The following TAF12 variants were observed in gnomAD, a reference collection of about 807,000 sequenced individuals.
The protein encoded by TAF12 is transcription initiation factor TFIID subunit 12.
In TAF12, 3 loss-of-function variants were observed where a neutral mutation model predicts 20.8. The observed-to-expected ratio is 0.14, with a 90% confidence interval of 0.07 to 0.37. The LOEUF is 0.37. Ranked by LOEUF, TAF12 falls within the 10% of genes least tolerant of loss-of-function variation. The pLI, the probability that TAF12 is intolerant of heterozygous loss-of-function variation, is 1.00. For missense variants in TAF12, 131 were observed against 197.9 expected (o/e 0.66, Z 2.03); for synonymous variants, 69 against 70.2 (o/e 0.98, Z 0.09).
At chr1:28,606,061 C>T (rs529046393) in intron 4 of TAF12, among the ~76,000 whole-genome samples, 3 of 152,038 alleles carry the variant, frequency 2.0e-5, no homozygotes, top group South Asian at 4.2e-4. Context: ...TGCAGTGGTG[C>T]GATCTCGGCT....
chr1:28,640,798 G>A (rs565785624), intron 1 of TAF12, among the ~76,000 whole-genome samples: 7 of 152,280 alleles, frequency 4.6e-5, no homozygotes. Context: ...AAAGGTTCCA[G>A]CCAGGTGCAG....
chr1:28,635,394 C>T (rs971772137), intron 1 of TAF12, among the ~76,000 whole-genome samples: 51 of 147,526 alleles, frequency 3.5e-4, no homozygotes, highest in Admixed American at 2.7e-4. Flanking sequence ...CCAGCTCCAC[C>T]TCCTGGGCTC....
At chr1:28,609,902 C>G (rs189279842) in intron 4 of TAF12, among the ~76,000 whole-genome samples, 269 of 152,298 alleles carry the variant, frequency 1.8e-3, no homozygotes, top group Non-Finnish European at 2.9e-3. Flanking sequence ...CCCTGTACCC[C>G]CTTCCCCTTA....
intron 3 of TAF12, among the ~76,000 whole-genome samples, chr1:28,616,742 AAAT>A (rs1238262844): frequency 2.6e-5 from 4 of 151,812 alleles, no homozygotes; most frequent in Non-Finnish European, 5.9e-5. Context: ...TCAAAAAAAT[AAAT>A]AAATAAATAA....
chr1:28,641,655 G>A (rs1265746580), intron 1 of TAF12, among the ~76,000 whole-genome samples: 2 of 152,060 alleles, frequency 1.3e-5, no homozygotes, highest in South Asian at 2.1e-4. Context: ...TTAGCAGGGC[G>A]TGGTGGCACA....
chr1:28,633,737 C>A (rs1198607668), intron 1 of TAF12, among the ~76,000 whole-genome samples: 2 of 151,784 alleles, frequency 1.3e-5, no homozygotes, highest in African/African-American at 4.8e-5. Flanking sequence ...CATGGTGAAA[C>A]CCCGTCTCTA....
chr1:28,632,121 T>A (rs1667650516), intron 1 of TAF12, among the ~76,000 whole-genome samples: 1 of 152,128 alleles, frequency 6.6e-6, no homozygotes, highest in African/African-American at 2.4e-5. Context: ...TTATGGTATA[T>A]CCATTCAATG....
intron 3 of TAF12, among the ~76,000 whole-genome samples, chr1:28,615,874 T>A (rs1294895223): frequency 1.3e-5 from 2 of 152,150 alleles, no homozygotes; most frequent in East Asian, 1.9e-4. Context: ...TGTGGTCTGC[T>A]AGAGTGAACC....
chr1:28,619,769 G>T (rs1412640557), intron 2 of TAF12, among the ~76,000 whole-genome samples: 1 of 151,174 alleles, frequency 6.6e-6, no homozygotes, highest in East Asian at 2.0e-4. Flanking sequence ...TGACCAACAT[G>T]GCGAAACCCT....
chr1:28,626,049 C>T (rs1386013871), intron 1 of TAF12, among the ~76,000 whole-genome samples: 3 of 151,588 alleles, frequency 2.0e-5, no homozygotes, highest in Admixed American at 1.3e-4. Flanking sequence ...GGTGTGATCT[C>T]AGCTCACTGC....
At chr1:28,609,158 C>A (rs1326021732) in intron 4 of TAF12, among the ~76,000 whole-genome samples, 1 of 151,216 alleles carries the variant, frequency 6.6e-6, no homozygotes, top group Non-Finnish European at 1.5e-5. Context: ...CTCACTGCAA[C>A]CTCCGCCTCC....
chr1:28,635,424 G>C (rs1425576647), intron 1 of TAF12, among the ~76,000 whole-genome samples: 1 of 150,250 alleles, frequency 6.7e-6, no homozygotes, highest in African/African-American at 2.4e-5. Context: ...TCCTGTCTCA[G>C]CCTCCTGAGT....
intron 4 of TAF12, among the ~76,000 whole-genome samples, chr1:28,612,206 T>C (rs1666882573): frequency 6.6e-6 from 1 of 151,952 alleles, no homozygotes. Context: ...TCCCAGCACT[T>C]TGGGAGGCCA....
upstream of TAF12, chr1:28,646,113 AAAAAAAAAAATTAGCCTC>A (rs1006821286): frequency 1.3e-5 from 2 of 152,210 alleles, no homozygotes; most frequent in African/African-American, 4.8e-5. Context: ...TCTAAAAAAA[AAAAAAAAAAATTAGCCTC>A]AGCATGGTGG....
chr1:28,624,604 AGGCATGGT>A (rs1201976267), intron 1 of TAF12, among the ~76,000 whole-genome samples: 1 of 151,962 alleles, frequency 6.6e-6, no homozygotes, highest in Non-Finnish European at 1.5e-5. Context: ...AAAACTAGCC[AGGCATGGT>A]GGCACGTGCC....
chr1:28,633,044 TA>T (rs1290899149), intron 1 of TAF12, among the ~76,000 whole-genome samples: 1 of 151,820 alleles, frequency 6.6e-6, no homozygotes, highest in Non-Finnish European at 1.5e-5. Flanking sequence ...TTTTTTTATT[TA>T]GTACAGACGG....
At position 28,603,553 on chromosome 1, in the gene TAF12, T is replaced by C; in HGVS notation, c.472A>G (p.Thr158Ala). 1.2e-6 allele frequency: 2 copies of C among 1,613,770 alleles called. No homozygotes were observed. Among genetic ancestry groups the C allele is most frequent in the South Asian group, 2.2e-5 (2 of 91,078 alleles). Reference sequence around the variant, plus strand: ...CTTTCCGTGTGTTATTTCTTGGTTGTTTTCCGGATCAATGCCATTCTCTGA... The same window carrying C: ...CTTTCCGTGTGTTATTTCTTGGTTGCTTTCCGGATCAATGCCATTCTCTGA... ...HKQRMALIRK[T>A]TKK Residue 158 changes from threonine to alanine, a missense_variant, in exon 6 of 6, where the codon ACA becomes GCA. By Grantham distance (58) the Thr-to-Ala change is moderately conservative (BLOSUM62 0). Coordinates refer to ENST00000373824, the MANE Select transcript of TAF12 (RefSeq NM_005644.4).
intron 2 of TAF12, among the ~76,000 whole-genome samples, chr1:28,620,358 T>C (rs893339791): frequency 5.3e-5 from 8 of 152,038 alleles, no homozygotes; most frequent in Non-Finnish European, 1.0e-4. Flanking sequence ...GGTCTCGAAC[T>C]CTTGACCTTG....
chr1:28,609,924 T>C (rs1666795712), intron 4 of TAF12, among the ~76,000 whole-genome samples: 1 of 152,124 alleles, frequency 6.6e-6, no homozygotes, highest in Non-Finnish European at 1.5e-5. Context: ...CCCCTGGTAA[T>C]CACCATTCTA....
Sources: gnomAD v4.1 joint callset for allele counts (sites outside exome capture counted in the v4.1 genomes callset) on GRCh38, gnomAD v4.1.1 for gene constraint, MANE v1.5 for transcripts, NCBI Gene and HGNC (gene_info 2026-07-23, HGNC 2026-07-21) for gene names.